Variants in DGKD observed in about 807,000 individuals in gnomAD.
DGKD encodes the protein diacylglycerol kinase delta, also known as DAG kinase delta.
DGKD carries 68 observed loss-of-function variants against 154.4 expected under a neutral mutation model. The ratio of observed to expected loss-of-function variants is 0.44; its 90% CI spans 0.36 to 0.54. The LOEUF is 0.54. DGKD is among the 20% of genes least tolerant of loss of function. DGKD has a pLI of 0.00. For missense variants in DGKD, 1,343 were observed against 1,593.6 expected, an observed-to-expected ratio of 0.84 and a Z score of 2.68; for synonymous variants, 693 against 638.0, an observed-to-expected ratio of 1.09 and a Z score of -1.30.
intron 12 of DGKD, chr2:233,447,557 G>T (rs912055525): frequency 7.1e-6 from 7 of 985,512 alleles, no homozygotes; most frequent in Non-Finnish European, 6.0e-6. Context: ...GTGTGTGGGG[G>T]AAGCCCAGAA....
Position 233,457,156 on chromosome 2 carries a change from G to A in DGKD, c.2473-65G>A, listed in dbSNP as rs1292838843. 7.9e-6 allele frequency: 11 copies of A among 1,389,542 alleles called. No homozygotes were observed. Among genetic ancestry groups the A allele is most frequent in the African/African-American group, 1.4e-5 (1 of 69,058 alleles). The allele number at this position is 1,389,542 out of a possible 1,614,324, so 86.1% of individuals were successfully genotyped here. Reference sequence around the variant, plus strand: ...CCTGAGCCCCTGGCGGTGGGAAGCTGGTAGAGAAGGAGGGGCTGACTCATA... The same window carrying A: ...CCTGAGCCCCTGGCGGTGGGAAGCTAGTAGAGAAGGAGGGGCTGACTCATA... On this transcript the variant is annotated intron_variant, in intron 20 of 29. Coordinates refer to ENST00000264057, the MANE Select transcript of DGKD (RefSeq NM_152879.3). This position sits in a 1 kb window ranked among gnomAD's most constrained non-coding sequence, Gnocchi z 5.5.
At chr2:233,360,827 G>T (rs1427156012) in intron 1 of DGKD, among the ~76,000 whole-genome samples, 1 of 152,172 alleles carries the variant, frequency 6.6e-6, no homozygotes, top group Non-Finnish European at 1.5e-5. Context: ...AATAGAGCCG[G>T]AGATTAGAGT....
At chr2:233,463,579 G>A (rs1272524875) in intron 26 of DGKD, among the ~76,000 whole-genome samples, 4 of 130,244 alleles carry the variant, frequency 3.1e-5, no homozygotes, top group African/African-American at 9.5e-5. Flanking sequence ...CTCACTCCAC[G>A]CATCTCCTCA....
intron 1 of DGKD, among the ~76,000 whole-genome samples, chr2:233,357,130 A>T (rs1701563493): frequency 1.3e-5 from 2 of 152,166 alleles, no homozygotes; most frequent in Admixed American, 1.3e-4. Context: ...GCTGTCACCC[A>T]CCAAAAACTG....
rs146781768 is a variant in DGKD at position 233,461,213 on chromosome 2, C to T, written c.2981+868C>T. Among the ~76,000 whole-genome samples, 996 of 152,364 alleles carry T rather than the reference C, an allele frequency of 6.5e-3. 9 individuals carry two copies. Among genetic ancestry groups the T allele is most frequent in the Middle Eastern group, 0.01 (3 of 294 alleles). On this transcript the variant is annotated intron_variant, in intron 24 of 29. Transcript: ENST00000264057. ...CTGTGCTGCTCCGCCGGTGCGGGGC[C>T]TGCCTGCATTCTCCCCCCGTGGCCG... is the stretch of plus-strand genomic sequence containing the variant.
rs759927399 is a variant in DGKD, at chr2:233,448,148, C to T, written c.1481C>T (p.Ser494Leu). Residue 494 changes from serine to leucine, a missense_variant, in exon 13 of 30, where the codon TCG (serine) becomes TTG (leucine). Transcript: ENST00000264057. ...VAAHLSKILT[S>L]DQHSVVISSA... ...GCCCACCTTTCTAAAATCCTCACCT[C>T]GGACCAGCACTCGGTGGTCATCTCC... 4.3e-6 allele frequency: 7 copies of T among 1,614,114 alleles called. No homozygotes were observed. Among genetic ancestry groups the T allele is most frequent in the South Asian group, 1.1e-5 (1 of 91,058 alleles).
chr2:233,394,760 T>TGCGGTGG (rs1463299520), intron 3 of DGKD, among the ~76,000 whole-genome samples: 1 of 130,650 alleles, frequency 7.7e-6, no homozygotes, highest in Non-Finnish European at 1.6e-5. Context: ...CAGGCTGGAA[T>TGCGGTGG]GCGGTGGTAC....
At chr2:233,355,018 C>G (rs1701475744) in intron 1 of DGKD, among the ~76,000 whole-genome samples, 1 of 151,766 alleles carries the variant, frequency 6.6e-6, no homozygotes, top group African/African-American at 2.4e-5. Context: ...GCTCGTGCCA[C>G]CGAGCGGGTC....
intron 1 of DGKD, among the ~76,000 whole-genome samples, chr2:233,376,880 T>C (rs1702600945): frequency 6.6e-6 from 1 of 152,092 alleles, no homozygotes; most frequent in South Asian, 2.1e-4. Context: ...TGGGAGTCCT[T>C]TTAAAATCAT....
intron 5 of DGKD, among the ~76,000 whole-genome samples, chr2:233,435,606 A>C (rs140985183): frequency 3.3e-5 from 5 of 152,314 alleles, no homozygotes; most frequent in Admixed American, 6.5e-5. Context: ...GGCCTGTTAC[A>C]GAAAGCTTAC....
chr2:233,382,236 A>T (rs1007940921), intron 1 of DGKD, among the ~76,000 whole-genome samples: 1 of 152,224 alleles, frequency 6.6e-6, no homozygotes, highest in Non-Finnish European at 1.5e-5. Context: ...TCTGTCTCAG[A>T]AAACAAACAA....
Position 233,441,242 on chromosome 2 carries a change from C to T in DGKD, c.1086-645C>T, listed in dbSNP as rs942105058. On this transcript the variant is annotated intron_variant, in intron 9 of 29. Coordinates refer to ENST00000264057, the MANE Select transcript of DGKD (RefSeq NM_152879.3). The surrounding 1 kb of genome is among the most constrained non-coding windows in gnomAD (Gnocchi z 5.6). ...GGGGGAGCCCAGGAAGGAAGGAAAC[C>T]GAGGAGTTAGGAGGGTAGGAGGCGT... Among the ~76,000 whole-genome samples, 18 of 152,020 alleles carry T rather than the reference C, an allele frequency of 1.2e-4. No homozygotes were observed. The highest frequency in any genetic ancestry group is 2.0e-4 in the Admixed American group (3 of 15,270).
intron 12 of DGKD, among the ~76,000 whole-genome samples, chr2:233,447,006 G>A (rs1396910323): frequency 2.6e-5 from 4 of 152,204 alleles, no homozygotes; most frequent in Non-Finnish European, 4.4e-5. Flanking sequence ...GACCCTCTAG[G>A]GGCTTCCTGG....
Position 233,468,453 on chromosome 2 carries a change from C to T in DGKD, c.3455C>T (p.Ala1152Val). 1 of 1,613,496 alleles carries T rather than the reference C, an allele frequency of 6.2e-7. No individual in the cohort carries two copies. ...CTCTGGGGGACAGAGGAGGTTGCTGCCTGGCTGGAGCACCTCAGTCTCTGT... is the reference window on the plus strand; with the variant it reads ...CTCTGGGGGACAGAGGAGGTTGCTGTCTGGCTGGAGCACCTCAGTCTCTGT... ...VHLWGTEEVA[A>V]WLEHLSLCEY... Residue 1152 changes from alanine to valine, a missense_variant, in exon 29 of 30, where the codon GCC becomes GTC. Physicochemically the swap from Ala to Val is moderately conservative, Grantham distance 64. Around this residue, in one of 6 missense-constraint regions of DGKD, gnomAD observed 429 missense variants for 496.3 expected, o/e 0.86. Coordinates refer to ENST00000264057, the MANE Select transcript of DGKD (RefSeq NM_152879.3).
intron 1 of DGKD, chr2:233,380,074 C>T (rs893453388): frequency 5.9e-5 from 9 of 152,168 alleles, no homozygotes; most frequent in African/African-American, 1.9e-4. Flanking sequence ...GTAGGCGGAG[C>T]TGAAGAGGAG....
intron 1 of DGKD, among the ~76,000 whole-genome samples, chr2:233,371,962 T>TA (rs1702347335): frequency 1.3e-5 from 2 of 152,256 alleles, no homozygotes; most frequent in Non-Finnish European, 2.9e-5. Context: ...TTAAAGAGTT[T>TA]AAAAGGAAGT....
chr2:233,399,289 A>C (rs912552579), intron 3 of DGKD, among the ~76,000 whole-genome samples: 4 of 152,244 alleles, frequency 2.6e-5, no homozygotes, highest in African/African-American at 9.6e-5. Context: ...GTAGGTGCAC[A>C]TAACTCTTTG....
chr2:233,362,695 A>G (rs1383693996), intron 1 of DGKD, among the ~76,000 whole-genome samples: 1 of 152,212 alleles, frequency 6.6e-6, no homozygotes, highest in Non-Finnish European at 1.5e-5. Flanking sequence ...AGAATTTTCT[A>G]CAACAAATAA....
At chr2:233,375,506 A>G (rs1702528327) in intron 1 of DGKD, among the ~76,000 whole-genome samples, 1 of 152,124 alleles carries the variant, frequency 6.6e-6, no homozygotes. Flanking sequence ...CTGGTTGAGC[A>G]CATGCCAGGG....
Sources: allele counts gnomAD v4.1 joint callset (sites outside exome capture counted in the v4.1 genomes callset), GRCh38; gene constraint gnomAD v4.1.1; regional missense constraint gnomAD v4.1.1; non-coding constraint Gnocchi (gnomAD v3.1); transcripts MANE v1.5; gene names NCBI Gene and HGNC (gene_info 2026-07-23, HGNC 2026-07-21).